The following SFXN5 variants were observed in gnomAD, a reference collection of about 807,000 sequenced individuals.
SFXN5 encodes the protein sideroflexin 5.
Under a neutral mutation model 50.2 loss-of-function variants are expected in SFXN5, and 43 were observed. The ratio of observed to expected loss-of-function variants is 0.86; its 90% CI spans 0.67 to 1.11. The LOEUF is 1.11. Ranked by LOEUF, SFXN5 falls within the 50% of genes least tolerant of loss-of-function variation. SFXN5 has a pLI of 0.00. For synonymous variants in SFXN5, 203 were observed against 185.8 expected (o/e 1.09, Z -0.75); for missense variants, 463 against 454.1 (o/e 1.02, Z -0.18).
At chr2:73,010,948 C>A (rs1675429151) in intron 6 of SFXN5, among the ~76,000 whole-genome samples, 1 of 152,018 alleles carries the variant, frequency 6.6e-6, no homozygotes, top group Admixed American at 6.6e-5. Context: ...ATAAACTAAG[C>A]ATTCAAGGCA....
chr2:73,002,964 G>A (rs1674108123), intron 6 of SFXN5, among the ~76,000 whole-genome samples: 1 of 152,234 alleles, frequency 6.6e-6, no homozygotes, highest in African/African-American at 2.4e-5. Flanking sequence ...GCTGACCTCA[G>A]TTTAAAATTC....
At chr2:73,027,080 T>G (rs1559172288) in intron 3 of SFXN5, among the ~76,000 whole-genome samples, 1 of 150,690 alleles carries the variant, frequency 6.6e-6, no homozygotes, top group South Asian at 2.1e-4. Context: ...AAAAAAAAAG[T>G]TAACTGTTAA....
chr2:73,047,299 AAAT>A (rs1317614804), intron 2 of SFXN5, among the ~76,000 whole-genome samples: 10 of 54,236 alleles, frequency 1.8e-4, no homozygotes, highest in South Asian at 8.4e-4. Flanking sequence ...TATATATATA[AAAT>A]ATATATGTGT....
intron 10 of SFXN5, among the ~76,000 whole-genome samples, chr2:72,984,412 C>T (rs371931707): frequency 6.6e-6 from 1 of 152,258 alleles, no homozygotes; most frequent in East Asian, 1.9e-4. Context: ...AGGGAGGACA[C>T]CGCGTAGCCT....
At chr2:73,012,980 A>T (rs1216119649) in intron 6 of SFXN5, among the ~76,000 whole-genome samples, 1 of 152,112 alleles carries the variant, frequency 6.6e-6, no homozygotes, top group East Asian at 1.9e-4. Context: ...GAAAATTAGG[A>T]TGCTCCCCTT....
intron 13 of SFXN5, among the ~76,000 whole-genome samples, chr2:72,956,328 C>T (rs1056763055): frequency 1.2e-4 from 18 of 152,230 alleles, no homozygotes; most frequent in African/African-American, 4.3e-4. Flanking sequence ...TCCAGCCCCT[C>T]CACTGCCCAG....
rs940585015 is a variant in SFXN5, at chr2:72,997,155, G to C, written c.534+1794C>G. 4.6e-5 allele frequency: 7 copies of C among 152,214 alleles called. 1 individual carries two copies. Among genetic ancestry groups the C allele is most frequent in the African/African-American group, 1.4e-4 (6 of 41,456 alleles). The allele number at this position is 152,214 out of a possible 1,614,324, so 9.4% of individuals were successfully genotyped here. A position where few individuals can be genotyped will look rare whatever the true frequency, so the allele number is the denominator to read the frequency against. On this transcript the variant is annotated intron_variant, in intron 9 of 13. Coordinates refer to ENST00000272433, the MANE Select transcript of SFXN5 (RefSeq NM_144579.3). ...TGTGAAGACATAAGGATTTGGGAAA[G>C]AGATCTTGGGCATGAAATGGGACAT... is the stretch of plus-strand genomic sequence containing the variant.
Position 72,949,037 on chromosome 2 carries a change from A to G in SFXN5, c.946-3938T>C, listed in dbSNP as rs1375587856. 2.6e-5 allele frequency among the ~76,000 whole-genome samples: 4 copies of G among 152,300 alleles called. 1 individual carries two copies. Among genetic ancestry groups the G allele is most frequent in the South Asian group, 4.1e-4 (2 of 4,830 alleles). On this transcript the variant is annotated intron_variant, in intron 13 of 13. Coordinates refer to ENST00000272433, the MANE Select transcript of SFXN5 (RefSeq NM_144579.3). Reference sequence around the variant, plus strand: ...GGGAGTTCCAATGTATTGATAAGGGAACAAGGAATGAAGACTTCTCAGAGG... The same window carrying G: ...GGGAGTTCCAATGTATTGATAAGGGGACAAGGAATGAAGACTTCTCAGAGG...
chr2:73,047,219 T>TAA (rs748772614), intron 2 of SFXN5, among the ~76,000 whole-genome samples: 20 of 27,524 alleles, frequency 7.3e-4, no homozygotes, highest in Non-Finnish European at 1.2e-3. Context: ...CTCCATCTCG[T>TAA]AAAAAAAAAA....
intron 13 of SFXN5, among the ~76,000 whole-genome samples, chr2:72,955,693 C>G (rs1433888149): frequency 2.0e-5 from 3 of 152,244 alleles, no homozygotes; most frequent in Admixed American, 1.3e-4. Flanking sequence ...ACTACAGCCT[C>G]TTGTGGTAGC....
intron 3 of SFXN5, among the ~76,000 whole-genome samples, chr2:73,029,213 C>A (rs969442145): frequency 6.6e-6 from 1 of 152,204 alleles, no homozygotes; most frequent in African/African-American, 2.4e-5. Flanking sequence ...CATCTTTGGC[C>A]TCTGCCAAGT....
At chr2:73,022,870 C>T (rs185167802) in intron 4 of SFXN5, among the ~76,000 whole-genome samples, 101 of 152,330 alleles carry the variant, frequency 6.6e-4, no homozygotes, top group South Asian at 1.2e-3. Context: ...CCATGGGGAA[C>T]GGGATCGTGT....
At chr2:73,057,163 G>A (rs1470905482) in intron 2 of SFXN5, among the ~76,000 whole-genome samples, 1 of 151,972 alleles carries the variant, frequency 6.6e-6, no homozygotes, top group South Asian at 2.1e-4. Flanking sequence ...TTAAAAGATA[G>A]GGTCTCACTC....
chr2:72,984,663 C>T (rs2105545851), intron 10 of SFXN5, among the ~76,000 whole-genome samples: 1 of 152,288 alleles, frequency 6.6e-6, no homozygotes, highest in Admixed American at 6.5e-5. Context: ...GAGAGGCTTG[C>T]TAGGGAATAT....
At chr2:73,006,857 G>A (rs887394715) in intron 6 of SFXN5, among the ~76,000 whole-genome samples, 2 of 152,194 alleles carry the variant, frequency 1.3e-5, no homozygotes, top group African/African-American at 2.4e-5. Context: ...CCAATCCAGG[G>A]GCCATCAGCC....
chr2:72,952,511 T>C (rs560156291), intron 13 of SFXN5, among the ~76,000 whole-genome samples: 1 of 152,316 alleles, frequency 6.6e-6, no homozygotes, highest in East Asian at 1.9e-4. Context: ...TAAGTGACAC[T>C]GAAGTGCCTC....
At chr2:73,025,071 T>C (rs924651246) in intron 3 of SFXN5, among the ~76,000 whole-genome samples, 2 of 151,406 alleles carry the variant, frequency 1.3e-5, no homozygotes, top group Non-Finnish European at 2.9e-5. Context: ...GACTGATGAG[T>C]GAAAAGCCAA....
At chr2:73,013,835 C>A (rs1210241212) in intron 6 of SFXN5, among the ~76,000 whole-genome samples, 1 of 152,068 alleles carries the variant, frequency 6.6e-6, no homozygotes, top group Non-Finnish European at 1.5e-5. Flanking sequence ...AAATGAAGCA[C>A]CCCCTGTTCT....
chr2:73,050,069 C>A (rs1317844421), intron 2 of SFXN5, among the ~76,000 whole-genome samples: 1 of 152,088 alleles, frequency 6.6e-6, no homozygotes, highest in African/African-American at 2.4e-5. Flanking sequence ...GATTCCATGT[C>A]CTGCCTTCCA....
Sources: allele counts gnomAD v4.1 joint callset (sites outside exome capture counted in the v4.1 genomes callset), GRCh38; gene constraint gnomAD v4.1.1; transcripts MANE v1.5; gene names NCBI Gene and HGNC (gene_info 2026-07-23, HGNC 2026-07-21).